SPAG16: variants seen among roughly 807,000 people sequenced by gnomAD.
The protein encoded by SPAG16 is sperm associated antigen 16.
SPAG16 carries 86 observed loss-of-function variants against 80.4 expected under a neutral mutation model. That is an observed-to-expected ratio of 1.07 (90% CI 0.90 to 1.28). The LOEUF (loss-of-function observed/expected upper bound fraction) is 1.28, where lower values mean the gene tolerates loss of function less well. Among genes scored for constraint, SPAG16 ranks in the 50% most tolerant of loss-of-function variants. The pLI is 0.00. For missense variants in SPAG16, 870 were observed against 765.3 expected, an observed-to-expected ratio of 1.14 and a Z score of -1.61; for synonymous variants, 294 against 265.9, an observed-to-expected ratio of 1.11 and a Z score of -1.03.
At chr2:213,725,253 A>G (rs914156162) in intron 10 of SPAG16, among the ~76,000 whole-genome samples, 1 of 152,134 alleles carries the variant, frequency 6.6e-6, no homozygotes, top group Non-Finnish European at 1.5e-5. Context: ...GGAACTCCTG[A>G]GCTCAAGTGA....
chr2:213,661,678 C>A (rs1195396462), intron 10 of SPAG16, among the ~76,000 whole-genome samples: 1 of 152,170 alleles, frequency 6.6e-6, no homozygotes, highest in African/African-American at 2.4e-5. Flanking sequence ...AAATTTCCTT[C>A]ATCACTCATT....
At chr2:214,095,745 T>C (rs1048667930) in intron 13 of SPAG16, among the ~76,000 whole-genome samples, 5 of 152,034 alleles carry the variant, frequency 3.3e-5, no homozygotes, top group Non-Finnish European at 4.4e-5. Flanking sequence ...GTTTCAGTTA[T>C]GCAAGATGAA....
At chr2:213,392,317 A>T (rs1050523745) in intron 9 of SPAG16, among the ~76,000 whole-genome samples, 23 of 152,298 alleles carry the variant, frequency 1.5e-4, no homozygotes, top group African/African-American at 5.5e-4. Flanking sequence ...TATTATTATT[A>T]CTTTTTGCCT....
intron 10 of SPAG16, among the ~76,000 whole-genome samples, chr2:213,504,047 T>C (rs1402641621): frequency 6.6e-6 from 1 of 152,218 alleles, no homozygotes; most frequent in Non-Finnish European, 1.5e-5. Context: ...TTCTCGTGGC[T>C]ATCTTGTGAG....
intron 5 of SPAG16, among the ~76,000 whole-genome samples, chr2:213,325,306 C>T (rs2063795489): frequency 6.6e-6 from 1 of 151,962 alleles, no homozygotes; most frequent in African/African-American, 2.4e-5. Flanking sequence ...CTATAGGTCA[C>T]AGAGATATTC....
chr2:214,376,744 G>A (rs1383785742), intron 15 of SPAG16, among the ~76,000 whole-genome samples: 1 of 152,082 alleles, frequency 6.6e-6, no homozygotes, highest in Non-Finnish European at 1.5e-5. Context: ...TTTGAAAAGG[G>A]AAAAGGTTTC....
chr2:213,597,881 C>G (rs1429051120), intron 10 of SPAG16, among the ~76,000 whole-genome samples: 1 of 152,140 alleles, frequency 6.6e-6, no homozygotes, highest in Non-Finnish European at 1.5e-5. Context: ...GAAAATCTGC[C>G]TTGATGCAGC....
At chr2:213,776,188 T>G (rs1196005867) in intron 10 of SPAG16, among the ~76,000 whole-genome samples, 1 of 152,196 alleles carries the variant, frequency 6.6e-6, no homozygotes, top group Non-Finnish European at 1.5e-5. Context: ...AGCCCTGATT[T>G]GTAGAGATTA....
chr2:214,358,755 G>A (rs1698982301), intron 15 of SPAG16, among the ~76,000 whole-genome samples: 1 of 151,786 alleles, frequency 6.6e-6, no homozygotes. Flanking sequence ...GGGGGTTGAG[G>A]GGCACACAGT....
At chr2:214,237,370 A>T (rs1275306222) in intron 15 of SPAG16, among the ~76,000 whole-genome samples, 3 of 152,090 alleles carry the variant, frequency 2.0e-5, no homozygotes, top group African/African-American at 4.8e-5. Context: ...TTAGCATTTT[A>T]TTCGTAAGAT....
intron 15 of SPAG16, among the ~76,000 whole-genome samples, chr2:214,286,285 A>G (rs1693352683): frequency 6.6e-6 from 1 of 152,114 alleles, no homozygotes; most frequent in Non-Finnish European, 1.5e-5. Context: ...ACAGTACTGT[A>G]TTGTGTACTT....
At chr2:214,223,970 G>T (rs773037069) in intron 15 of SPAG16, among the ~76,000 whole-genome samples, 1 of 152,158 alleles carries the variant, frequency 6.6e-6, no homozygotes, top group Non-Finnish European at 1.5e-5. Flanking sequence ...AGCAGAATGG[G>T]TAAAGTGAAT....
chr2:213,604,676 T>A (rs1269860634), intron 10 of SPAG16, among the ~76,000 whole-genome samples: 1 of 152,106 alleles, frequency 6.6e-6, no homozygotes, highest in African/African-American at 2.4e-5. Context: ...AATTGTAAGC[T>A]GTTTTTTTCT....
intron 12 of SPAG16, among the ~76,000 whole-genome samples, chr2:214,008,431 T>C (rs903486350): frequency 2.6e-5 from 4 of 152,020 alleles, no homozygotes; most frequent in South Asian, 2.1e-4. Flanking sequence ...TATGTACATA[T>C]GTAGCATTTA....
chr2:213,371,418 AG>A (rs67316414), intron 8 of SPAG16, among the ~76,000 whole-genome samples: 2,077 of 124,112 alleles, frequency 0.017, 49 homozygotes, highest in Middle Eastern at 0.029. Context: ...AAAAAAAAAA[AG>A]AAAAGAAAAG....
intron 14 of SPAG16, among the ~76,000 whole-genome samples, chr2:214,135,746 T>TCTCTCTCA (rs1199268281): frequency 7.3e-5 from 11 of 151,702 alleles, no homozygotes; most frequent in East Asian, 2.0e-4. Context: ...TCTCTCTCTC[T>TCTCTCTCA]CTCACTCTTG....
chr2:214,016,036 C>G (rs901269650), intron 13 of SPAG16, among the ~76,000 whole-genome samples: 4 of 152,034 alleles, frequency 2.6e-5, no homozygotes, highest in African/African-American at 9.7e-5. Flanking sequence ...GGGTGAGAAA[C>G]TTTTCCAATT....
intron 5 of SPAG16, among the ~76,000 whole-genome samples, chr2:213,322,734 G>C (rs527619995): frequency 9.9e-4 from 151 of 152,276 alleles, no homozygotes; most frequent in Admixed American, 1.5e-3. Flanking sequence ...ATGGGTAAAG[G>C]AGACAGACGG....
At chr2:214,061,668 A>G (rs1299177333) in intron 13 of SPAG16, among the ~76,000 whole-genome samples, 1 of 151,580 alleles carries the variant, frequency 6.6e-6, no homozygotes, top group Non-Finnish European at 1.5e-5. Context: ...CATCTAAAAT[A>G]TACCTTCATA....
Sources: gnomAD v4.1 joint callset for allele counts (sites outside exome capture counted in the v4.1 genomes callset) on GRCh38, gnomAD v4.1.1 for gene constraint, MANE v1.5 for transcripts, NCBI Gene and HGNC (gene_info 2026-07-23, HGNC 2026-07-21) for gene names.